Variants in RNF38 observed in about 807,000 individuals in gnomAD.
RNF38 encodes the protein ring finger protein 38.
A neutral mutation model predicts 67.2 loss-of-function variants in RNF38; 15 were observed. The ratio of observed to expected loss-of-function variants is 0.22; its 90% CI spans 0.15 to 0.34. The LOEUF is 0.34. Ranked by LOEUF, RNF38 falls within the 10% of genes least tolerant of loss-of-function variation. The probability of loss-of-function intolerance (pLI) is 1.00; values close to 1 mark genes in which losing one functional copy is unlikely to be tolerated. For missense variants in RNF38, 524 were observed against 639.9 expected, an observed-to-expected ratio of 0.82 and a Z score of 1.95; for synonymous variants, 220 against 218.8, an observed-to-expected ratio of 1.01 and a Z score of -0.05.
intron 3 of RNF38, among the ~76,000 whole-genome samples, chr9:36,374,224 G>GAC (rs765402456): frequency 5.3e-4 from 80 of 152,326 alleles, no homozygotes; most frequent in South Asian, 2.7e-3. Context: ...AGAGCTCAGA[G>GAC]ACAGGTTTAT....
intron 1 of RNF38, among the ~76,000 whole-genome samples, chr9:36,458,415 T>G (rs1178139635): frequency 6.6e-6 from 1 of 152,168 alleles, no homozygotes; most frequent in African/African-American, 2.4e-5. Context: ...AAAGCTTTGT[T>G]CTTTTGCTCT....
At chr9:36,468,289 AAAG>A (rs1193508969) in intron 1 of RNF38, among the ~76,000 whole-genome samples, 1 of 151,670 alleles carries the variant, frequency 6.6e-6, no homozygotes, top group African/African-American at 2.4e-5. Context: ...TAGAAGTGCC[AAAG>A]AAGATAGGAG....
Position 36,400,183 on chromosome 9 carries a change from C to T in RNF38, c.-75G>A. On this transcript the variant is annotated 5_prime_UTR_variant, in exon 1 of 12. Coordinates refer to ENST00000259605, the MANE Select transcript of RNF38 (RefSeq NM_022781.5). Reference sequence around the variant, plus strand: ...ACACTCCCGTTTCAAAAACCAACCTCTCTCACGCTTCAACCCTGAAAGGAA... The same window carrying T: ...ACACTCCCGTTTCAAAAACCAACCTTTCTCACGCTTCAACCCTGAAAGGAA... 1 of 1,588,812 alleles carries T rather than the reference C, an allele frequency of 6.3e-7. No homozygotes were observed. The highest frequency in any genetic ancestry group is 8.6e-7 in the Non-Finnish European group (1 of 1,168,390).
At chr9:36,396,643 C>T (rs935480977) in intron 1 of RNF38, among the ~76,000 whole-genome samples, 8 of 151,980 alleles carry the variant, frequency 5.3e-5, no homozygotes, top group Admixed American at 3.3e-4. Flanking sequence ...GGACTGTGCA[C>T]GCTTAGAGTT....
chr9:36,452,980 T>C (rs1485918863), intron 1 of RNF38, among the ~76,000 whole-genome samples: 2 of 152,216 alleles, frequency 1.3e-5, no homozygotes, highest in African/African-American at 2.4e-5. Flanking sequence ...ATACAGCTTC[T>C]GTGTAGACTT....
At chr9:36,385,458 A>C (rs1459314016) in intron 2 of RNF38, among the ~76,000 whole-genome samples, 1 of 150,796 alleles carries the variant, frequency 6.6e-6, no homozygotes, top group Non-Finnish European at 1.5e-5. Context: ...GGCTCACAGT[A>C]ACCTCCGCCT....
At chr9:36,414,386 G>A (rs1298248918) in intron 2 of RNF38, among the ~76,000 whole-genome samples, 1 of 152,082 alleles carries the variant, frequency 6.6e-6, no homozygotes, top group Non-Finnish European at 1.5e-5. Context: ...GTACTTTGAA[G>A]TTTTGTTTTG....
chr9:36,347,756 A>T (rs551277416), intron 9 of RNF38, among the ~76,000 whole-genome samples: 3 of 152,326 alleles, frequency 2.0e-5, no homozygotes, highest in Non-Finnish European at 2.9e-5. Flanking sequence ...AGTGAAAGGA[A>T]GAGTCACATG....
intron 1 of RNF38, among the ~76,000 whole-genome samples, chr9:36,464,143 G>A (rs1271939694): frequency 1.3e-5 from 2 of 151,628 alleles, no homozygotes; most frequent in South Asian, 2.1e-4. Context: ...CAGCCTGGGC[G>A]ACAGAGCAAG....
intron 9 of RNF38, among the ~76,000 whole-genome samples, chr9:36,347,159 G>A (rs1401517236): frequency 7.6e-6 from 1 of 132,066 alleles, no homozygotes; most frequent in African/African-American, 2.9e-5. Flanking sequence ...GAAGTAAATT[G>A]CCAAATTGAT....
rs369253449 is a variant in RNF38 at position 36,448,725 on chromosome 9, C to G, written n.242-24042G>C. 7.5e-4 allele frequency among the ~76,000 whole-genome samples: 114 copies of G among 152,264 alleles called. 2 individuals are homozygous for G. The South Asian group carries it at 0.022, about 30-fold the overall frequency. On this transcript the variant is annotated intron_variant and non_coding_transcript_variant, in intron 1 of 3. Transcript: ENST00000488058. ...TCAGGTTGAAACAGACCCAAATGGGCCGGGCGCGGTGGCTCAGCCTGTAAT... is the reference window on the plus strand; with the variant it reads ...TCAGGTTGAAACAGACCCAAATGGGGCGGGCGCGGTGGCTCAGCCTGTAAT...
intron 1 of RNF38, among the ~76,000 whole-genome samples, chr9:36,462,407 G>T (rs979803683): frequency 2.0e-5 from 3 of 152,040 alleles, no homozygotes; most frequent in Non-Finnish European, 4.4e-5. Context: ...CAGCACAGCG[G>T]CCAGAAAGAT....
upstream of RNF38, among the ~76,000 whole-genome samples, chr9:36,404,782 T>C (rs1838139362): frequency 1.3e-5 from 2 of 152,220 alleles, no homozygotes; most frequent in Non-Finnish European, 2.9e-5. Context: ...TTTCTTTCTT[T>C]CCAACATATA....
intron 4 of RNF38, among the ~76,000 whole-genome samples, chr9:36,365,954 T>C (rs959758798): frequency 1.3e-5 from 2 of 152,132 alleles, no homozygotes; most frequent in Non-Finnish European, 2.9e-5. Flanking sequence ...CACGAGCCAC[T>C]GTGCCTGGCC....
At chr9:36,372,613 AG>A (rs2133815141) in intron 3 of RNF38, 1 of 695,828 alleles carries the variant, frequency 1.4e-6, no homozygotes, top group East Asian at 2.7e-5. Context: ...GTAGTAAACA[AG>A]AACAGAATAC....
chr9:36,472,875 G>A (rs1840029070), intron 1 of RNF38, among the ~76,000 whole-genome samples: 1 of 46,368 alleles, frequency 2.2e-5, no homozygotes, highest in Non-Finnish European at 5.0e-5. Context: ...AGAGACCGAG[G>A]TGGGTGGATC....
At chr9:36,389,688 C>G (rs528539577) in intron 2 of RNF38, among the ~76,000 whole-genome samples, 1 of 152,314 alleles carries the variant, frequency 6.6e-6, no homozygotes, top group South Asian at 2.1e-4. Context: ...GTGTCACAAG[C>G]ATTTCACTTT....
At chr9:36,366,135 T>C (rs1834938898) in intron 4 of RNF38, among the ~76,000 whole-genome samples, 1 of 152,184 alleles carries the variant, frequency 6.6e-6, no homozygotes, top group Non-Finnish European at 1.5e-5. Flanking sequence ...CTGAATATAC[T>C]GCTTTGTTTC....
chr9:36,470,436 T>C (rs1408347907), intron 1 of RNF38, among the ~76,000 whole-genome samples: 4 of 152,102 alleles, frequency 2.6e-5, no homozygotes, highest in African/African-American at 9.7e-5. Context: ...TGAATATGAA[T>C]CTATCACTTA....
Sources: allele counts gnomAD v4.1 joint callset (sites outside exome capture counted in the v4.1 genomes callset), GRCh38; gene constraint gnomAD v4.1.1; transcripts MANE v1.5; gene names NCBI Gene and HGNC (gene_info 2026-07-23, HGNC 2026-07-21).